The following BAZ2B variants were observed in gnomAD, a reference collection of about 807,000 sequenced individuals.
BAZ2B encodes bromodomain adjacent to zinc finger domain 2B.
In BAZ2B, 91 loss-of-function variants were observed where a neutral mutation model predicts 246.0. That is an observed-to-expected ratio of 0.37 (90% CI 0.31 to 0.44). The LOEUF (loss-of-function observed/expected upper bound fraction) is 0.44. Ranked by LOEUF, BAZ2B falls within the 20% of genes least tolerant of loss-of-function variation. The pLI, the probability that BAZ2B is intolerant of heterozygous loss-of-function variation, is 1.00. For synonymous variants in BAZ2B, 855 were observed against 860.0 expected, an observed-to-expected ratio of 0.99 and a Z score of 0.10; for missense variants, 2,332 against 2,533.7, an observed-to-expected ratio of 0.92 and a Z score of 1.71.
downstream of BAZ2B, among the ~76,000 whole-genome samples, chr2:159,317,044 C>T (rs2062204482): frequency 6.6e-6 from 1 of 151,520 alleles, no homozygotes; most frequent in African/African-American, 2.4e-5. Context: ...AAAATACCTC[C>T]TTTATTCTCC....
chr2:159,533,249 A>G (rs2085562548), intron 2 of BAZ2B, among the ~76,000 whole-genome samples: 1 of 152,188 alleles, frequency 6.6e-6, no homozygotes, highest in South Asian at 2.1e-4. Flanking sequence ...CATTAACAGT[A>G]ATAGGCCTGA....
At chr2:159,604,949 T>TGTGTGC (rs1553749981) in intron 1 of BAZ2B, among the ~76,000 whole-genome samples, 1 of 129,922 alleles carries the variant, frequency 7.7e-6, no homozygotes, top group Non-Finnish European at 1.7e-5. Context: ...TGTGTGTGTG[T>TGTGTGC]GTGCGCGTGT....
the BAZ2B span, among the ~76,000 whole-genome samples, chr2:159,640,897 C>T: frequency 6.8e-6 from 1 of 147,062 alleles, no homozygotes; most frequent in African/African-American, 2.5e-5. Context: ...TAATAAAGCT[C>T]AGAGAAGAAA....
At position 159,325,700 on chromosome 2, in the gene BAZ2B, T is replaced by A; in HGVS notation, c.6162A>T (p.Ser2054=). 1 of 1,594,848 alleles carries A rather than the reference T, an allele frequency of 6.3e-7. No individual in the cohort carries two copies. Among genetic ancestry groups the A allele is most frequent in the East Asian group, 2.2e-5 (1 of 44,598 alleles). Residue 2054 remains serine, a synonymous_variant, in exon 35 of 37, where the codon TCA becomes TCT. Coordinates refer to ENST00000392783, the MANE Select transcript of BAZ2B (RefSeq NM_013450.4). The stretch of plus-strand genomic sequence containing the variant: ...AGTCATCTCTTTTAGGTTTCTTAAC[T>A]GAAGTAAAACTTTCTTGTTTTGACA... ...INLSKQESFT[S]VKKPKRDDSK...
intron 6 of BAZ2B, among the ~76,000 whole-genome samples, chr2:159,440,379 G>A (rs571325752): frequency 2.8e-4 from 43 of 152,238 alleles, no homozygotes; most frequent in African/African-American, 1.0e-3. Flanking sequence ...CTCCACAACA[G>A]AGAGCCAAAT....
intron 2 of BAZ2B, among the ~76,000 whole-genome samples, chr2:159,508,027 T>C (rs902430675): frequency 6.6e-5 from 10 of 152,126 alleles, no homozygotes; most frequent in Non-Finnish European, 1.5e-4. Flanking sequence ...TGCGCCACCA[T>C]GCCCAGCTAA....
intron 1 of BAZ2B, among the ~76,000 whole-genome samples, chr2:159,574,385 T>A (rs769089816): frequency 1.3e-5 from 2 of 152,056 alleles, no homozygotes; most frequent in Non-Finnish European, 2.9e-5. Context: ...TAAGTGTTTG[T>A]AAGGATGTGG....
chr2:159,676,318 C>A, the BAZ2B span, among the ~76,000 whole-genome samples: 1 of 152,140 alleles, frequency 6.6e-6, no homozygotes, highest in Non-Finnish European at 1.5e-5. Flanking sequence ...TAGGTGTGAT[C>A]CACCATGCCT....
chr2:159,698,442 T>A, the BAZ2B span, among the ~76,000 whole-genome samples: 6 of 149,674 alleles, frequency 4.0e-5, no homozygotes, highest in Non-Finnish European at 8.9e-5. Flanking sequence ...AGTTTGAGGC[T>A]GCAGTGAGCT....
At position 159,355,978 on chromosome 2, in the gene BAZ2B, G is replaced by A. The variant is rs552819757; in HGVS notation, c.4214-5621C>T. 1.7e-3 allele frequency among the ~76,000 whole-genome samples: 254 copies of A among 152,326 alleles called. 2 individuals carry two copies. Among genetic ancestry groups the A allele is most frequent in the African/African-American group, 5.8e-3 (243 of 41,580 alleles). On this transcript the variant is annotated intron_variant, in intron 27 of 36. Coordinates refer to ENST00000392783, the MANE Select transcript of BAZ2B (RefSeq NM_013450.4). ...GGCCCAGATACTACGCTTTTCCCAC[G>A]GTCTTTGTAACCCACAGACCAGGAG...
rs908070382 is a variant in BAZ2B, at chr2:159,341,556, C to G, written c.5455-3784G>C. Among the ~76,000 whole-genome samples, 8 of 152,120 alleles carry G rather than the reference C, an allele frequency of 5.3e-5. No homozygotes were observed. The South Asian group carries it at 8.3e-4, about 16-fold the overall frequency. On this transcript the variant is annotated intron_variant, in intron 31 of 36. Transcript: ENST00000392783. ...GACACGTACAGAACATTTCATCCACCAGCTGCAGAATACACATTATTTTCA... is the reference window on the plus strand; with the variant it reads ...GACACGTACAGAACATTTCATCCACGAGCTGCAGAATACACATTATTTTCA...
chr2:159,663,720 T>C, the BAZ2B span, among the ~76,000 whole-genome samples: 3 of 152,014 alleles, frequency 2.0e-5, no homozygotes, highest in South Asian at 6.2e-4. Context: ...GGTTTCACTA[T>C]GTTGGCCAGG....
chr2:159,377,898 T>C (rs981289411), intron 25 of BAZ2B, among the ~76,000 whole-genome samples: 10 of 151,862 alleles, frequency 6.6e-5, no homozygotes, highest in African/African-American at 1.5e-4. Context: ...AAATAGTCTA[T>C]GTGTAAAGAA....
intron 1 of BAZ2B, among the ~76,000 whole-genome samples, chr2:159,587,375 C>T (rs1389014264): frequency 6.6e-6 from 1 of 152,080 alleles, no homozygotes; most frequent in African/African-American, 2.4e-5. Flanking sequence ...CCACCACGCT[C>T]GACGCAACTT....
At chr2:159,455,478 A>T (rs1577230224) in intron 3 of BAZ2B, among the ~76,000 whole-genome samples, 1 of 152,170 alleles carries the variant, frequency 6.6e-6, no homozygotes, top group Non-Finnish European at 1.5e-5. Context: ...GCTCCACTAC[A>T]ACAAAGCAGT....
At chr2:159,612,040 T>C (rs1224784118) in intron 1 of BAZ2B, among the ~76,000 whole-genome samples, 3 of 151,990 alleles carry the variant, frequency 2.0e-5, no homozygotes, top group African/African-American at 4.8e-5. Context: ...TTTAGTATGA[T>C]AGCTGAAACT....
At chr2:159,698,111 G>A in the BAZ2B span, among the ~76,000 whole-genome samples, 69,540 of 152,046 alleles carry the variant, frequency 0.46, 16,749 homozygotes, top group Middle Eastern at 0.64. Context: ...AATTACTAAC[G>A]ATTATAAATT....
At chr2:159,411,865 G>T in intron 14 of BAZ2B, 1 of 735,262 alleles carries the variant, frequency 1.4e-6, no homozygotes, top group Non-Finnish European at 1.7e-6. Flanking sequence ...TACTATATCT[G>T]GACTACAGGA....
intron 1 of BAZ2B, among the ~76,000 whole-genome samples, chr2:159,593,938 G>C (rs1329809471): frequency 6.6e-6 from 1 of 152,182 alleles, no homozygotes; most frequent in Non-Finnish European, 1.5e-5. Context: ...AGAAATTAGA[G>C]ATCGAGCACA....
Sources: allele counts gnomAD v4.1 joint callset (sites outside exome capture counted in the v4.1 genomes callset), GRCh38; gene constraint gnomAD v4.1.1; transcripts MANE v1.5; gene names NCBI Gene and HGNC (gene_info 2026-07-23, HGNC 2026-07-21).